DNAH7: variants seen among roughly 807,000 people sequenced by gnomAD.
DNAH7 encodes the protein dynein axonemal heavy chain 7.
DNAH7 carries 397 observed loss-of-function variants against 444.6 expected under a neutral mutation model. The observed-to-expected ratio is 0.89, with a 90% CI of 0.82 to 0.97. DNAH7 has a LOEUF of 0.97. Among genes scored for constraint, DNAH7 ranks in the 50% least tolerant of loss-of-function variants. The probability of loss-of-function intolerance (pLI) is 0.00; values close to 1 mark genes in which losing one functional copy is unlikely to be tolerated. For synonymous variants in DNAH7, 1,636 were observed against 1,624.4 expected (o/e 1.01, Z -0.17); for missense variants, 4,902 against 4,800.8 (o/e 1.02, Z -0.62).
At chr2:195,777,582 G>A (rs1262196019) in intron 59 of DNAH7, among the ~76,000 whole-genome samples, 1 of 152,172 alleles carries the variant, frequency 6.6e-6, no homozygotes, top group Non-Finnish European at 1.5e-5. Context: ...GAAAAAGCGT[G>A]AGACACGTTT....
intron 57 of DNAH7, among the ~76,000 whole-genome samples, chr2:195,791,929 G>A (rs1695894633): frequency 6.6e-6 from 1 of 152,174 alleles, no homozygotes; most frequent in African/African-American, 2.4e-5. Flanking sequence ...CACTTTGGAA[G>A]GCCAAGGAGG....
At chr2:195,801,463 A>AG (rs1352862662) in intron 54 of DNAH7, among the ~76,000 whole-genome samples, 2 of 152,186 alleles carry the variant, frequency 1.3e-5, no homozygotes, top group East Asian at 3.8e-4. Context: ...TACCAGTTTC[A>AG]GAAGAGAACA....
Position 195,864,967 on chromosome 2 carries a change from T to C in DNAH7, c.6688A>G (p.Ile2230Val), listed in dbSNP as rs1402780945. Residue 2230 changes from isoleucine (I) to valine (V), a missense_variant, in exon 41 of 65, where the codon ATC becomes GTC. Ile to Val is a conservative substitution (Grantham distance 29). Transcript: ENST00000312428. ...CTCAAAATTTCTTGAATGTAGTTGA[T>C]GAGCCAGCTTCTGTCTGTATTGTCC... ...LLDNTDRSWL[I>V]NYIQEILRNY... 3.7e-6 allele frequency: 6 copies of C among 1,606,864 alleles called. No homozygotes were observed. The highest frequency in any genetic ancestry group is 3.3e-5 in the Admixed American group (2 of 60,010).
intron 58 of DNAH7, 23 bp downstream of exon 58, chr2:195,786,987 C>T: frequency 1.9e-6 from 3 of 1,547,196 alleles, no homozygotes; most frequent in Non-Finnish European, 2.6e-6. Context: ...TAGGTAATGT[C>T]CTTGCTGTGA....
In DNAH7 at chr2:195,737,872, T is replaced by C. The variant is rs766463080; in HGVS notation, c.*49A>G. ...TTTAAGTAGTAAAATATGCTTTCTC[T>C]ACTCAGCCAGCCAACAAGAAATAGG... On this transcript the variant is annotated 3_prime_UTR_variant, in exon 65 of 65. Transcript: ENST00000312428. The C allele has an allele frequency of 6.4e-6, 10 of 1,573,638 alleles. No individual in the cohort carries two copies. Among genetic ancestry groups the C allele is most frequent in the Admixed American group, 1.7e-5 (1 of 59,190 alleles).
rs572168265 is a variant in DNAH7 at position 195,779,108 on chromosome 2, G to A, written c.10879-1123C>T. Among the ~76,000 whole-genome samples, 8 of 152,292 alleles carry A rather than the reference G, an allele frequency of 5.3e-5. No homozygotes were observed. In the South Asian group the frequency reaches 1.7e-3, roughly 32 times the overall value. On this transcript the variant is annotated intron_variant, in intron 58 of 64. Transcript: ENST00000312428. ...TCCGCCTGCCTTGGTCTCCCAAAGT[G>A]CTGGGATTACAGGCGTGACGTACCG...
chr2:195,835,376 T>A (rs1416665015), intron 47 of DNAH7, among the ~76,000 whole-genome samples: 1 of 82,894 alleles, frequency 1.2e-5, no homozygotes, highest in African/African-American at 4.6e-5. Context: ...AAAAGGTGAC[T>A]GAGGCAAAAA....
chr2:196,026,926 A>G lies in DNAH7; in HGVS notation c.501T>C (p.Tyr167=). 1 of 1,602,906 alleles carries G rather than the reference A, an allele frequency of 6.2e-7. No homozygotes were observed. Among genetic ancestry groups the G allele is most frequent in the Non-Finnish European group, 8.5e-7 (1 of 1,173,946 alleles). ...GGTCTGTATCAATTCCATGGTGAAT[A>G]TAATAGTAATATCTCTACAAAAAGA... is the stretch of plus-strand genomic sequence containing the variant. ...IEKDILRYYY[Y]IHHGIDTDHV... Residue 167 remains tyrosine (Y), a synonymous_variant, in exon 7 of 65, where the codon TAT becomes TAC. Transcript: ENST00000312428.
chr2:195,781,260 A>G (rs891208839), intron 58 of DNAH7, among the ~76,000 whole-genome samples: 1 of 152,206 alleles, frequency 6.6e-6, no homozygotes, highest in South Asian at 2.1e-4. Context: ...TGCAAATCAA[A>G]TAAGTAGTAA....
intron 47 of DNAH7, among the ~76,000 whole-genome samples, chr2:195,843,606 A>G (rs1206842233): frequency 6.6e-6 from 1 of 152,194 alleles, no homozygotes; most frequent in Non-Finnish European, 1.5e-5. Flanking sequence ...AAATTCTAAC[A>G]GTAACTACTC....
At chr2:195,888,182 G>C (rs550271390) in intron 33 of DNAH7, 76 bp downstream of exon 33, 1 of 1,197,336 alleles carries the variant, frequency 8.4e-7, no homozygotes, top group East Asian at 2.6e-5. Context: ...AATAAAAACA[G>C]ACATTAAAAT....
rs575317310 is a variant in DNAH7, at chr2:195,883,309, T to G, written c.5763+1276A>C. ...AAAAATACAAAAAATTAGCTGGGCA[T>G]GGTGGCGGGTGCCTGTAGTCCCAGC... On this transcript the variant is annotated intron_variant, in intron 35 of 64. Coordinates refer to ENST00000312428, the MANE Select transcript of DNAH7 (RefSeq NM_018897.3). Among the ~76,000 whole-genome samples, 4 of 152,128 alleles carry G rather than the reference T, an allele frequency of 2.6e-5. No homozygotes were observed. The East Asian group carries it at 7.7e-4, about 29-fold the overall frequency.
intron 1 of DNAH7, among the ~76,000 whole-genome samples, chr2:196,064,664 G>C (rs1698324078): frequency 6.6e-6 from 1 of 152,088 alleles, no homozygotes; most frequent in South Asian, 2.1e-4. Context: ...GTTACTACAT[G>C]ATTTTAAATT....
intron 25 of DNAH7, among the ~76,000 whole-genome samples, chr2:195,907,631 T>C (rs561220825): frequency 6.6e-6 from 1 of 152,304 alleles, no homozygotes; most frequent in South Asian, 2.1e-4. Context: ...AGCACACACA[T>C]GCATATGTTA....
chr2:195,744,573 A>G (rs1014675969), intron 63 of DNAH7, among the ~76,000 whole-genome samples: 2 of 152,058 alleles, frequency 1.3e-5, no homozygotes, highest in Admixed American at 6.6e-5. Context: ...CTGACCCCTC[A>G]CCCCCGAGCA....
chr2:196,042,405 A>G (rs1696826738), intron 5 of DNAH7, among the ~76,000 whole-genome samples: 1 of 152,040 alleles, frequency 6.6e-6, no homozygotes, highest in Non-Finnish European at 1.5e-5. Context: ...TTATGTACCA[A>G]TAGTGTGAAA....
intron 19 of DNAH7, among the ~76,000 whole-genome samples, chr2:195,956,922 G>A (rs1690705177): frequency 6.6e-6 from 1 of 152,126 alleles, no homozygotes; most frequent in African/African-American, 2.4e-5. Context: ...TCAGTGGGTT[G>A]CATTCCATAA....
intron 62 of DNAH7, among the ~76,000 whole-genome samples, chr2:195,755,870 G>A (rs1694043769): frequency 6.6e-6 from 1 of 152,264 alleles, no homozygotes; most frequent in Admixed American, 6.5e-5. Context: ...TTTCGAAAAT[G>A]TTTTGCTGTA....
intron 25 of DNAH7, among the ~76,000 whole-genome samples, chr2:195,907,543 G>T (rs1318083632): frequency 2.0e-5 from 3 of 152,076 alleles, no homozygotes; most frequent in Non-Finnish European, 4.4e-5. Context: ...TCTGAATTCA[G>T]ATCTACTTTT....
Sources: gnomAD v4.1 joint callset for allele counts (sites outside exome capture counted in the v4.1 genomes callset) on GRCh38, gnomAD v4.1.1 for gene constraint, MANE v1.5 for transcripts, NCBI Gene and HGNC (gene_info 2026-07-23, HGNC 2026-07-21) for gene names.